The following TMEM164 variants were observed in gnomAD, a reference collection of about 807,000 sequenced individuals.
TMEM164 encodes transmembrane protein 164, also known as RP13-360B22.2.
Under a neutral mutation model 18.8 loss-of-function variants are expected in TMEM164, and 4 were observed. The observed-to-expected ratio is 0.21, with a 90% CI of 0.10 to 0.49. TMEM164 has a LOEUF of 0.49. Among genes scored for constraint, TMEM164 ranks in the 20% least tolerant of loss-of-function variants. The pLI is 0.98. For synonymous variants in TMEM164, 86 were observed against 101.7 expected (o/e 0.85, Z 0.93); for missense variants, 108 against 239.9 (o/e 0.45, Z 3.63).
At chrX:110,058,368 G>C (rs1935948642) in intron 2 of TMEM164, among the ~76,000 whole-genome samples, 3 of 108,071 alleles carry the variant, frequency 2.8e-5, no homozygotes, top group Non-Finnish European at 5.7e-5. Context: ...TTGAGTCATT[G>C]TATTCCTCAG....
chrX:110,159,643 T>C (rs942713813), intron 5 of TMEM164, among the ~76,000 whole-genome samples: 1 of 110,495 alleles, frequency 9.1e-6, no homozygotes, highest in Non-Finnish European at 1.9e-5. Context: ...CTGAGGTGAA[T>C]TCAATGACCT....
At chrX:110,069,288 T>G (rs2065547447) in intron 3 of TMEM164, among the ~76,000 whole-genome samples, 2 of 111,928 alleles carry the variant, frequency 1.8e-5, no homozygotes, top group South Asian at 7.3e-4. Flanking sequence ...TGTGAGATTA[T>G]TATTTTCTTC....
intron 2 of TMEM164, among the ~76,000 whole-genome samples, chrX:110,023,837 C>T (rs766984871): frequency 2.7e-5 from 3 of 111,562 alleles, no homozygotes; most frequent in Non-Finnish European, 5.7e-5. Flanking sequence ...TTTGTATTGA[C>T]GAAGAACCAT....
chrX:110,103,418 C>A (rs996906635), intron 3 of TMEM164, among the ~76,000 whole-genome samples: 1 of 111,575 alleles, frequency 9.0e-6, no homozygotes, highest in Non-Finnish European at 1.9e-5. Flanking sequence ...TAAGGATTGG[C>A]TAGTTTGAAT....
intron 3 of TMEM164, among the ~76,000 whole-genome samples, chrX:110,103,597 A>G (rs1787652422): frequency 1.9e-5 from 2 of 107,302 alleles, no homozygotes; most frequent in African/African-American, 6.8e-5. Flanking sequence ...CTGGGTGAGT[A>G]CTTGCTGTCT....
At chrX:110,029,950 TA>T (rs749284735) in intron 2 of TMEM164, among the ~76,000 whole-genome samples, 5 of 110,074 alleles carry the variant, frequency 4.5e-5, no homozygotes, top group Non-Finnish European at 9.5e-5. Context: ...TCTCTTTTTT[TA>T]AAAAAAACTT....
intron 2 of TMEM164, among the ~76,000 whole-genome samples, chrX:110,054,340 A>G (rs1040426172): frequency 1.8e-5 from 2 of 112,382 alleles, no homozygotes; most frequent in Non-Finnish European, 3.8e-5. Context: ...TATGAGACTA[A>G]TAAGTGATTA....
At chrX:110,116,992 A>T (rs1452741312) in intron 4 of TMEM164, among the ~76,000 whole-genome samples, 3 of 110,712 alleles carry the variant, frequency 2.7e-5, no homozygotes, top group African/African-American at 9.9e-5. Flanking sequence ...TCTCTCATCT[A>T]TAAAATGGGG....
chrX:110,109,226 A>T, intron 4 of TMEM164, 80 bp downstream of exon 4: 1 of 995,955 alleles, frequency 1.0e-6, no homozygotes, highest in Admixed American at 2.2e-5. Flanking sequence ...TTAAAAATAT[A>T]CATATAGCTG....
Position 110,064,154 on chromosome X carries a change from C to A in TMEM164, c.391-3193C>A, listed in dbSNP as rs1602555867. Among the ~76,000 whole-genome samples, 4 of 111,710 alleles carry A rather than the reference C, an allele frequency of 3.6e-5. No homozygotes were observed. The Admixed American group carries it at 3.8e-4, about 11-fold the overall frequency. On this transcript the variant is annotated intron_variant, in intron 2 of 6. Transcript: ENST00000372068. Reference sequence around the variant, plus strand: ...CTTCTCTATATGCTACCTGCTCATGCCTTTTGTTTCAGGTGCTGAGCTGGG... The same window carrying A: ...CTTCTCTATATGCTACCTGCTCATGACTTTTGTTTCAGGTGCTGAGCTGGG...
chrX:110,129,306 C>T (rs1213685026), intron 4 of TMEM164, among the ~76,000 whole-genome samples: 3 of 112,707 alleles, frequency 2.7e-5, no homozygotes, highest in Non-Finnish European at 1.9e-5. Context: ...TTCTAGTACA[C>T]GTTTACACTG....
chrX:110,138,237 C>T lies in TMEM164; in HGVS notation c.508-6561C>T, dbSNP rs142115596. 4.2e-3 allele frequency among the ~76,000 whole-genome samples: 467 copies of T among 112,472 alleles called. 1 individual carries two copies. Among genetic ancestry groups the T allele is most frequent in the African/African-American group, 0.014 (430 of 30,984 alleles). On this transcript the variant is annotated intron_variant, in intron 4 of 6. Transcript: ENST00000372068. Reference sequence around the variant, plus strand: ...TTAATGAGTACTTACTATATGCCAGCACTGGGCCAAGGATTCTACAGGTAT... The same window carrying T: ...TTAATGAGTACTTACTATATGCCAGTACTGGGCCAAGGATTCTACAGGTAT...
chrX:110,090,803 C>A (rs749006760), intron 3 of TMEM164, among the ~76,000 whole-genome samples: 37 of 110,761 alleles, frequency 3.3e-4, no homozygotes, highest in African/African-American at 1.2e-3. Flanking sequence ...TGGTGTGCTG[C>A]ACCCATTAAC....
intron 2 of TMEM164, among the ~76,000 whole-genome samples, chrX:110,053,324 C>T (rs1935658033): frequency 9.0e-6 from 1 of 111,524 alleles, no homozygotes; most frequent in Admixed American, 9.6e-5. Context: ...GAGCTTCTTG[C>T]AGACAGGAAT....
chrX:110,056,914 A>G (rs1036044640), intron 2 of TMEM164, among the ~76,000 whole-genome samples: 1 of 103,510 alleles, frequency 9.7e-6, no homozygotes. Context: ...TTTTTAATGT[A>G]TATATTTAAG....
intron 2 of TMEM164, chrX:110,046,252 T>G (rs1935312840): frequency 6.1e-5 from 46 of 754,767 alleles, no homozygotes; most frequent in Non-Finnish European, 7.0e-5. Flanking sequence ...GCAGGGATCC[T>G]GACTGTTCAT....
At chrX:110,029,826 C>T (rs1242209701) in intron 2 of TMEM164, among the ~76,000 whole-genome samples, 1 of 111,327 alleles carries the variant, frequency 9.0e-6, no homozygotes, top group Non-Finnish European at 1.9e-5. Flanking sequence ...AGCTAGTCCT[C>T]TTTGCTAGCC....
intron 4 of TMEM164, among the ~76,000 whole-genome samples, chrX:110,139,776 A>G (rs1253646409): frequency 9.0e-6 from 1 of 111,057 alleles, no homozygotes; most frequent in African/African-American, 3.3e-5. Flanking sequence ...TGAGCATAGA[A>G]GTGAGGACAT....
intron 4 of TMEM164, among the ~76,000 whole-genome samples, chrX:110,110,787 G>C (rs1378635527): frequency 8.9e-6 from 1 of 112,190 alleles, no homozygotes; most frequent in Non-Finnish European, 1.9e-5. Flanking sequence ...CACTGTCCCA[G>C]GTGTTCGTAA....
Sources: gnomAD v4.1 joint callset for allele counts (sites outside exome capture counted in the v4.1 genomes callset) on GRCh38, gnomAD v4.1.1 for gene constraint, MANE v1.5 for transcripts, NCBI Gene and HGNC (gene_info 2026-07-23, HGNC 2026-07-21) for gene names.